Variants in DCC observed in about 807,000 individuals in gnomAD.
The protein encoded by DCC is DCC netrin 1 receptor.
In DCC, 58 loss-of-function variants were observed where a neutral mutation model predicts 172.5. That is an observed-to-expected ratio of 0.34 (90% CI 0.27 to 0.42). The LOEUF is 0.42. DCC is among the 10% of genes least tolerant of loss of function. The pLI, the probability that DCC is intolerant of heterozygous loss-of-function variation, is 1.00. For synonymous variants in DCC, 709 were observed against 644.5 expected (o/e 1.10, Z -1.52); for missense variants, 1,740 against 1,791.0 (o/e 0.97, Z 0.51).
chr18:53,222,371 T>C (rs1311572877), intron 12 of DCC, among the ~76,000 whole-genome samples: 1 of 106,928 alleles, frequency 9.4e-6, no homozygotes, highest in Non-Finnish European at 1.7e-5. Context: ...TTCTTTTTTC[T>C]TTTTCTTTTT....
intron 7 of DCC, among the ~76,000 whole-genome samples, chr18:53,091,721 C>T (rs1237749796): frequency 1.3e-5 from 2 of 151,920 alleles, no homozygotes; most frequent in Non-Finnish European, 2.9e-5. Flanking sequence ...GCCTCACCTC[C>T]TAATATGATC....
chr18:52,856,017 G>A (rs932385678), intron 2 of DCC, among the ~76,000 whole-genome samples: 1 of 151,694 alleles, frequency 6.6e-6, no homozygotes, highest in East Asian at 2.0e-4. Flanking sequence ...CACCTGCCTC[G>A]GCCTCCCAAA....
intron 1 of DCC, among the ~76,000 whole-genome samples, chr18:52,456,902 T>C (rs778059148): frequency 6.6e-5 from 10 of 152,130 alleles, no homozygotes; most frequent in Non-Finnish European, 8.8e-5. Context: ...CTTCCCAAGG[T>C]ACTATTCCCA....
intron 24 of DCC, among the ~76,000 whole-genome samples, chr18:53,461,937 G>T (rs914497940): frequency 2.0e-5 from 3 of 152,166 alleles, no homozygotes; most frequent in Non-Finnish European, 2.9e-5. Flanking sequence ...GAAATGGAAC[G>T]GTGGGATTGA....
At chr18:53,293,622 G>A (rs78929114) in intron 12 of DCC, among the ~76,000 whole-genome samples, 2,188 of 151,916 alleles carry the variant, frequency 0.014, 60 homozygotes, top group African/African-American at 0.05. Context: ...CTCCCTCCTC[G>A]CACCCTATAC....
At chr18:52,791,073 G>A (rs921455130) in intron 2 of DCC, among the ~76,000 whole-genome samples, 3 of 152,072 alleles carry the variant, frequency 2.0e-5, no homozygotes, top group African/African-American at 7.2e-5. Flanking sequence ...GGTGTGGTTG[G>A]AGCTGGCCCC....
intron 1 of DCC, among the ~76,000 whole-genome samples, chr18:52,393,468 T>A (rs1345750036): frequency 6.6e-6 from 1 of 152,034 alleles, no homozygotes; most frequent in Non-Finnish European, 1.5e-5. Context: ...TATTTTAATC[T>A]CTATATTATT....
rs887782278 is a variant in DCC at position 52,850,799 on chromosome 18, G to T, written c.413-55245G>T. On this transcript the variant is annotated intron_variant, in intron 2 of 28. Transcript: ENST00000442544. The stretch of plus-strand genomic sequence containing the variant: ...TCCTATTGTGTTTTTCTAAGAAAAT[G>T]TAAAATCATATTTAGGGTCAGATTT... Among the ~76,000 whole-genome samples, 3 of 152,054 alleles carry T rather than the reference G, an allele frequency of 2.0e-5. No homozygotes were observed. The East Asian group carries it at 5.8e-4, about 29-fold the overall frequency.
intron 5 of DCC, among the ~76,000 whole-genome samples, chr18:53,015,100 CTCAGATTCTAGACTA>C (rs2041790269): frequency 6.6e-6 from 1 of 152,188 alleles, no homozygotes; most frequent in Non-Finnish European, 1.5e-5. Flanking sequence ...AACAATTATG[CTCAGATTCTAGACTA>C]TCACTAGATT....
At chr18:53,247,630 A>C (rs1414690936) in intron 12 of DCC, among the ~76,000 whole-genome samples, 1 of 152,052 alleles carries the variant, frequency 6.6e-6, no homozygotes, top group African/African-American at 2.4e-5. Flanking sequence ...GATTTAATGT[A>C]GCTATTAAAC....
At chr18:52,511,184 G>C (rs1268484656) in intron 1 of DCC, among the ~76,000 whole-genome samples, 4 of 151,388 alleles carry the variant, frequency 2.6e-5, no homozygotes, top group African/African-American at 9.7e-5. Context: ...GGAAGGCTGA[G>C]GCAGGGGAAT....
At chr18:53,503,299 C>T (rs116343387) in intron 27 of DCC, among the ~76,000 whole-genome samples, 2,759 of 152,258 alleles carry the variant, frequency 0.018, 83 homozygotes, top group African/African-American at 0.062. Flanking sequence ...GATTCATTTC[C>T]TCAATTTTTT....
chr18:53,450,599 C>T lies in DCC; in HGVS notation c.3329C>T (p.Thr1110Ile). 1 of 1,612,316 alleles carries T rather than the reference C, an allele frequency of 6.2e-7. No individual in the cohort carries two copies. The highest frequency in any genetic ancestry group is 8.5e-7 in the Non-Finnish European group (1 of 1,179,418). Residue 1110 changes from threonine to isoleucine, a missense_variant, in exon 23 of 29, where the codon ACA (threonine) becomes ATA (isoleucine). Physicochemically the swap from Thr to Ile is moderately conservative, Grantham distance 89 (BLOSUM62 -1). This residue lies in a region of DCC where 1,732 missense variants were observed against 1,767.4 expected (regional missense o/e 0.98). Coordinates refer to ENST00000442544, the MANE Select transcript of DCC (RefSeq NM_005215.4). ...ATTGTGGTCACCGTTGGTGTCATCA[C>T]AGTGCTGGTAGTGGTCATCGTGGCT... is the stretch of plus-strand genomic sequence containing the variant. Reference protein sequence around the residue: ...VIIVVTVGVITVLVVVIVAVI... With the variant: ...VIIVVTVGVIIVLVVVIVAVI...
At chr18:52,720,424 C>A (rs906189225) in intron 1 of DCC, among the ~76,000 whole-genome samples, 2 of 152,112 alleles carry the variant, frequency 1.3e-5, no homozygotes, top group African/African-American at 4.8e-5. Flanking sequence ...GCTAACATGG[C>A]CGTGGTGTTA....
intron 1 of DCC, among the ~76,000 whole-genome samples, chr18:52,572,755 T>C (rs1453693027): frequency 2.0e-5 from 3 of 152,178 alleles, no homozygotes; most frequent in African/African-American, 7.2e-5. Flanking sequence ...ACAGGCTCTC[T>C]TCCTGGGAGT....
At chr18:52,419,892 A>G (rs1471750615) in intron 1 of DCC, among the ~76,000 whole-genome samples, 1 of 152,320 alleles carries the variant, frequency 6.6e-6, no homozygotes, top group Non-Finnish European at 1.5e-5. Flanking sequence ...TTTATATATA[A>G]CAATCCCATA....
chr18:52,650,808 G>C (rs2035117523), intron 1 of DCC, among the ~76,000 whole-genome samples: 3 of 152,148 alleles, frequency 2.0e-5, no homozygotes, highest in Admixed American at 6.5e-5. Flanking sequence ...GACAGTGCCA[G>C]GGAGAAAGTA....
In DCC at chr18:52,409,610, G is replaced by A. The variant is rs114974843; in HGVS notation, c.91+68732G>A. On this transcript the variant is annotated intron_variant, in intron 1 of 28. Coordinates refer to ENST00000442544, the MANE Select transcript of DCC (RefSeq NM_005215.4). ...CTGGGTGACCTTTACAAATCCATTAGAGATTGAACAGTGACATGTGGGAAC... is the reference window on the plus strand; with the variant it reads ...CTGGGTGACCTTTACAAATCCATTAAAGATTGAACAGTGACATGTGGGAAC... Among the ~76,000 whole-genome samples, 1,046 of 152,226 alleles carry A rather than the reference G, an allele frequency of 6.9e-3. 9 individuals carry two copies. The highest frequency in any genetic ancestry group is 0.023 in the African/African-American group (973 of 41,542).
At chr18:53,152,578 TAAAAG>T (rs908475407) in intron 7 of DCC, among the ~76,000 whole-genome samples, 13 of 92,116 alleles carry the variant, frequency 1.4e-4, no homozygotes, top group East Asian at 4.3e-4. Context: ...AAGATGTTCT[TAAAAG>T]AAAAAAAAAG....
Sources: gnomAD v4.1 joint callset for allele counts (sites outside exome capture counted in the v4.1 genomes callset) on GRCh38, gnomAD v4.1.1 for gene constraint, gnomAD v4.1.1 regional missense constraint, MANE v1.5 for transcripts, NCBI Gene and HGNC (gene_info 2026-07-23, HGNC 2026-07-21) for gene names.